IARS1: variants seen among roughly 807,000 people sequenced by gnomAD.
IARS1 encodes the protein isoleucine--tRNA ligase, cytoplasmic.
IARS1 carries 124 observed loss-of-function variants against 168.2 expected under a neutral mutation model. The observed-to-expected ratio is 0.74, with a 90% CI of 0.64 to 0.86. IARS1 has a LOEUF of 0.86. IARS1 is among the 40% of genes least tolerant of loss of function. IARS1 has a pLI of 0.00. For synonymous variants in IARS1, 532 were observed against 529.4 expected, an observed-to-expected ratio of 1.00 and a Z score of -0.07; for missense variants, 1,452 against 1,515.8, an observed-to-expected ratio of 0.96 and a Z score of 0.70.
chr9:92,262,782 A>G (rs529485461), intron 17 of IARS1, among the ~76,000 whole-genome samples, 187 bp downstream of exon 17: 6 of 152,366 alleles, frequency 3.9e-5, no homozygotes, highest in African/African-American at 1.2e-4. Flanking sequence ...TACTAGCAGT[A>G]GCACAATCTG....
intron 7 of IARS1, among the ~76,000 whole-genome samples, chr9:92,280,280 G>C (rs540305199): frequency 6.6e-6 from 1 of 151,944 alleles, no homozygotes; most frequent in Non-Finnish European, 1.5e-5. Context: ...TTCTTTTACC[G>C]CCACAAAACT....
At chr9:92,285,137 T>C (rs1242544502) in intron 6 of IARS1, among the ~76,000 whole-genome samples, 7 of 152,086 alleles carry the variant, frequency 4.6e-5, no homozygotes, top group Admixed American at 4.6e-4. Flanking sequence ...TGAAAACAAC[T>C]CAGTATACAC....
At chr9:92,234,024 A>G (rs1056745545) in intron 30 of IARS1, among the ~76,000 whole-genome samples, 2 of 152,170 alleles carry the variant, frequency 1.3e-5, no homozygotes, top group African/African-American at 4.8e-5. Context: ...GCCTCCCAAA[A>G]TGCTGGGAAT....
chr9:92,256,955 T>G (rs1163923398), intron 19 of IARS1, among the ~76,000 whole-genome samples, 155 bp from the exon 20 acceptor site: 1 of 152,230 alleles, frequency 6.6e-6, no homozygotes, highest in East Asian at 1.9e-4. Context: ...ATTTTCAAGA[T>G]AAGCACCAAC....
intron 1 of IARS1, among the ~76,000 whole-genome samples, chr9:92,292,177 T>TCACACACC (rs1836459069): frequency 7.8e-6 from 1 of 128,484 alleles, no homozygotes; most frequent in African/African-American, 3.6e-5. Flanking sequence ...ACCACCACAC[T>TCACACACC]CAGCTTTTTT....
chr9:92,247,077 C>T (rs1291307263), intron 26 of IARS1, among the ~76,000 whole-genome samples: 1 of 151,978 alleles, frequency 6.6e-6, no homozygotes, highest in Non-Finnish European at 1.5e-5. Flanking sequence ...GCCTGTAATC[C>T]CAGCTACTTG....
intron 1 of IARS1, among the ~76,000 whole-genome samples, chr9:92,289,761 C>T (rs1378262140): frequency 6.6e-6 from 1 of 152,162 alleles, no homozygotes; most frequent in Non-Finnish European, 1.5e-5. Context: ...TGCAGATTTA[C>T]CTATTCTGGA....
At chr9:92,248,256 T>C (rs1829504550) in intron 25 of IARS1, among the ~76,000 whole-genome samples, 1 of 152,196 alleles carries the variant, frequency 6.6e-6, no homozygotes, top group South Asian at 2.1e-4. Context: ...GCGGCAGGGA[T>C]GGTGATGGCA....
intron 21 of IARS1, among the ~76,000 whole-genome samples, chr9:92,252,756 C>T (rs1830183347): frequency 1.2e-5 from 1 of 83,220 alleles, no homozygotes; most frequent in East Asian, 3.8e-4. Context: ...AAGAGTGAAA[C>T]TCCTTCTCAA....
intron 30 of IARS1, among the ~76,000 whole-genome samples, chr9:92,231,099 T>A (rs1399712039): frequency 6.6e-6 from 1 of 152,222 alleles, no homozygotes; most frequent in Non-Finnish European, 1.5e-5. Context: ...GTTCAATATA[T>A]CACTTTTCCC....
At chr9:92,292,643 T>C (rs1836552943) in intron 1 of IARS1, 1 of 155,400 alleles carries the variant, frequency 6.4e-6, no homozygotes, top group Non-Finnish European at 1.5e-5. Flanking sequence ...TGCAGAGGGA[T>C]GCCATCCCCT....
intron 7 of IARS1, among the ~76,000 whole-genome samples, chr9:92,279,601 A>G (rs1488435114): frequency 1.3e-5 from 2 of 152,184 alleles, no homozygotes; most frequent in African/African-American, 4.8e-5. Flanking sequence ...TCCTTTCTCA[A>G]TATTTTTCCC....
chr9:92,280,240 C>T (rs1470679325), intron 7 of IARS1, among the ~76,000 whole-genome samples: 1 of 152,152 alleles, frequency 6.6e-6, no homozygotes, highest in Non-Finnish European at 1.5e-5. Flanking sequence ...TGTGCCATAG[C>T]TTTTTTCATG....
chr9:92,220,998 C>T (rs913411819), intron 33 of IARS1, among the ~76,000 whole-genome samples: 7 of 151,984 alleles, frequency 4.6e-5, no homozygotes, highest in African/African-American at 2.4e-5. Context: ...AAAACCAAAA[C>T]ACTGTAACAG....
Position 92,262,996 on chromosome 9 carries a change from A to G in IARS1, c.1760T>C (p.Val587Ala). Reference sequence around the variant, plus strand: ...TGCCAGGACAAGCCCATTCACAATTACGTTCTTGAAAGGCGGTTGTCCAAA... The same window carrying G: ...TGCCAGGACAAGCCCATTCACAATTGCGTTCTTGAAAGGCGGTTGTCCAAA... ...ALFGQPPFKN[V>A]IVNGLVLASD... The change falls in exon 17 of 34, where the codon GTA (valine) becomes GCA (alanine). Residue 587 changes from valine to alanine, a missense_variant. By Grantham distance (64) the Val-to-Ala change is moderately conservative. Coordinates refer to ENST00000443024, the MANE Select transcript of IARS1 (RefSeq NM_002161.6). 6.2e-7 allele frequency: 1 copy of G among 1,614,072 alleles called. No homozygotes were observed. The highest frequency in any genetic ancestry group is 2.2e-5 in the East Asian group (1 of 44,882).
At chr9:92,241,056 G>T in intron 29 of IARS1, 95 bp from the exon 30 acceptor site, 1 of 718,622 alleles carries the variant, frequency 1.4e-6, no homozygotes, top group Non-Finnish European at 2.6e-6. Flanking sequence ...GTAACAACAA[G>T]AGCTGTACAC....
intron 14 of IARS1, among the ~76,000 whole-genome samples, chr9:92,267,087 T>C (rs1389103387): frequency 2.0e-5 from 3 of 152,196 alleles, no homozygotes; most frequent in East Asian, 3.8e-4. Flanking sequence ...GACTATATTA[T>C]GCTTGGACCC....
chr9:92,248,206 A>T (rs557314493), intron 25 of IARS1, among the ~76,000 whole-genome samples: 9 of 152,324 alleles, frequency 5.9e-5, no homozygotes, highest in African/African-American at 2.2e-4. Context: ...AGTTAAACAG[A>T]ACACTTCATG....
chr9:92,250,972 G>C (rs1829934429), intron 22 of IARS1, 138 bp from the exon 23 acceptor site: 1 of 904,062 alleles, frequency 1.1e-6, no homozygotes, highest in Admixed American at 2.2e-5. Context: ...TACAAAACAT[G>C]CCCTGTGAAT....
Sources: allele counts gnomAD v4.1 joint callset (sites outside exome capture counted in the v4.1 genomes callset), GRCh38; gene constraint gnomAD v4.1.1; transcripts MANE v1.5; gene names NCBI Gene and HGNC (gene_info 2026-07-23, HGNC 2026-07-21).